DAAM1: variants seen among roughly 807,000 people sequenced by gnomAD.
The protein encoded by DAAM1 is disheveled-associated activator of morphogenesis 1.
DAAM1 carries 52 observed loss-of-function variants against 130.0 expected under a neutral mutation model. The ratio of observed to expected loss-of-function variants is 0.40; its 90% CI spans 0.32 to 0.50. The LOEUF is 0.50. DAAM1 is among the 20% of genes least tolerant of loss of function. The pLI is 0.61. For missense variants in DAAM1, 1,134 were observed against 1,303.8 expected (o/e 0.87, Z 2.01); for synonymous variants, 452 against 444.5 (o/e 1.02, Z -0.21).
At chr14:59,326,262 CAAATT>C in intron 10 of DAAM1, 185 bp downstream of exon 10, 2 of 691,950 alleles carry the variant, frequency 2.9e-6, no homozygotes, top group Non-Finnish European at 4.6e-6. Context: ...TTAAATGAAA[CAAATT>C]AAAATTTTGA....
intron 11 of DAAM1, 90 bp downstream of exon 11, chr14:59,326,738 C>G (rs1885218218): frequency 3.8e-6 from 6 of 1,560,392 alleles, no homozygotes; most frequent in African/African-American, 1.4e-5. Flanking sequence ...GCTGGGAGAG[C>G]TGAAATGTTC....
At chr14:59,232,498 A>G (rs1434877669) in intron 1 of DAAM1, among the ~76,000 whole-genome samples, 2 of 152,302 alleles carry the variant, frequency 1.3e-5, no homozygotes, top group East Asian at 1.9e-4. Flanking sequence ...GTTCACCAAC[A>G]TGTTGAAATT....
chr14:59,230,287 G>C (rs147703855), intron 1 of DAAM1, among the ~76,000 whole-genome samples: 3 of 150,432 alleles, frequency 2.0e-5, no homozygotes, highest in East Asian at 1.9e-4. Context: ...GCAGCCGAGG[G>C]GGGTGATGCT....
chr14:59,324,422 A>G lies in DAAM1; in HGVS notation c.957A>G (p.Lys319=). 6.3e-7 allele frequency: 1 copy of G among 1,593,446 alleles called. No homozygotes were observed. The highest frequency in any genetic ancestry group is 8.5e-7 in the Non-Finnish European group (1 of 1,170,096). The change falls in exon 8 of 25, where the codon AAA becomes AAG. Residue 319 remains lysine, a synonymous_variant. Coordinates refer to ENST00000360909, the MANE Select transcript of DAAM1 (RefSeq NM_001270520.2). ...TAGGAATTCAACCTGTAATAGATAA[A>G]TTAAGGGAACACGAAAATTCAACAT... ...LMLGIQPVID[K]LREHENSTLD... is the part of the protein sequence containing the mutation.
chr14:59,291,832 C>T (rs1883752641), intron 3 of DAAM1, among the ~76,000 whole-genome samples: 1 of 152,190 alleles, frequency 6.6e-6, no homozygotes, highest in East Asian at 1.9e-4. Flanking sequence ...GGCTGACTCT[C>T]TCTCGTATCC....
intron 2 of DAAM1, among the ~76,000 whole-genome samples, chr14:59,281,259 C>T (rs1883203733): frequency 6.6e-6 from 1 of 152,160 alleles, no homozygotes; most frequent in Non-Finnish European, 1.5e-5. Context: ...AGAAAGGCAC[C>T]AACTCAACTG....
At chr14:59,209,532 C>T (rs780162549) in intron 1 of DAAM1, among the ~76,000 whole-genome samples, 2 of 152,036 alleles carry the variant, frequency 1.3e-5, no homozygotes, top group Non-Finnish European at 2.9e-5. Context: ...CTTTGAATAC[C>T]CATACAACCA....
At chr14:59,272,643 A>ATGTATGTATG (rs138081475) in intron 2 of DAAM1, among the ~76,000 whole-genome samples, 48 of 145,988 alleles carry the variant, frequency 3.3e-4, no homozygotes, top group Non-Finnish European at 4.2e-4. Context: ...ACACACATAT[A>ATGTATGTATG]TATGTATGTA....
chr14:59,293,758 T>C (rs1456868735), intron 3 of DAAM1, among the ~76,000 whole-genome samples: 1 of 152,218 alleles, frequency 6.6e-6, no homozygotes, highest in African/African-American at 2.4e-5. Flanking sequence ...TGAAACTGAA[T>C]TTTTGGTCAC....
chr14:59,222,005 G>A (rs1888787089), intron 1 of DAAM1, among the ~76,000 whole-genome samples: 1 of 152,174 alleles, frequency 6.6e-6, no homozygotes. Context: ...CCATATAGCA[G>A]ATGCTGATTC....
In DAAM1 at chr14:59,275,586, C is replaced by T. The variant is rs183130375; in HGVS notation, c.183+11926C>T. On this transcript the variant is annotated intron_variant, in intron 2 of 24. Transcript: ENST00000360909. ...GATTACCGGAAAACTGTTGGTGATG[C>T]AGACTATTAAAACTTGAAGTCACTC... Among the ~76,000 whole-genome samples, 68 of 152,242 alleles carry T rather than the reference C, an allele frequency of 4.5e-4. No homozygotes were observed. In the East Asian group the frequency reaches 0.012, roughly 27 times the overall value.
chr14:59,208,761 G>A (rs1366376501), intron 1 of DAAM1, among the ~76,000 whole-genome samples: 1 of 152,134 alleles, frequency 6.6e-6, no homozygotes, highest in Non-Finnish European at 1.5e-5. Context: ...AGGTGTTTGG[G>A]TCATGAGGGT....
chr14:59,306,490 C>A (rs10143918), intron 3 of DAAM1, among the ~76,000 whole-genome samples: 1 of 151,950 alleles, frequency 6.6e-6, no homozygotes, highest in African/African-American at 2.4e-5. Context: ...TGTTTAGCAG[C>A]ATAGTATTAA....
At chr14:59,356,081 ATTAAC>A (rs1033973971) in intron 20 of DAAM1, among the ~76,000 whole-genome samples, 2 of 152,308 alleles carry the variant, frequency 1.3e-5, no homozygotes, top group South Asian at 2.1e-4. Flanking sequence ...CATTAGGCAT[ATTAAC>A]TTGAGTTTCC....
At chr14:59,334,064 G>A (rs759881213) in intron 15 of DAAM1, among the ~76,000 whole-genome samples, 5 of 152,144 alleles carry the variant, frequency 3.3e-5, no homozygotes, top group Non-Finnish European at 4.4e-5. Context: ...AGCACTTCCT[G>A]GAGAAACATT....
chr14:59,357,354 G>A (rs1886522588), intron 20 of DAAM1: 1 of 152,078 alleles, frequency 6.6e-6, no homozygotes, highest in African/African-American at 2.4e-5. Flanking sequence ...CAATAGCAAA[G>A]CATTTCTTTT....
Position 59,323,024 on chromosome 14 carries a change from C to T in DAAM1, c.573C>T (p.Asn191=), listed in dbSNP as rs1168938155. The change falls in exon 6 of 25, where the codon AAC becomes AAT. Residue 191 remains asparagine, a synonymous_variant. Coordinates refer to ENST00000360909, the MANE Select transcript of DAAM1 (RefSeq NM_001270520.2). ...LIGCIKALMN[N]SQGRAHVLAH... Reference sequence around the variant, plus strand: ...GCTGTATAAAGGCGTTAATGAACAACTCTCAAGGCCGGGCTCACGTCCTGG... The same window carrying T: ...GCTGTATAAAGGCGTTAATGAACAATTCTCAAGGCCGGGCTCACGTCCTGG... The T allele has an allele frequency of 1.1e-5, 17 of 1,613,982 alleles. No homozygotes were observed. The Admixed American group carries it at 1.8e-4, about 17-fold the overall frequency.
intron 2 of DAAM1, among the ~76,000 whole-genome samples, chr14:59,266,476 ACT>A (rs1299879735): frequency 1.3e-5 from 2 of 151,976 alleles, no homozygotes; most frequent in East Asian, 1.9e-4. Context: ...AGAAAATTCC[ACT>A]CTCTCTGCCT....
Position 59,369,033 on chromosome 14 carries a change from AGAT to A in DAAM1, c.*176_*178del. On this transcript the variant is annotated 3_prime_UTR_variant, in exon 25 of 25. Coordinates refer to ENST00000360909, the MANE Select transcript of DAAM1 (RefSeq NM_001270520.2). ...TGTGTATATATTAAAAAATGTATAT[AGAT>A]GTCTGAGTGTTGTCTGGAGACCTAT... The A allele has an allele frequency of 1.7e-6, 1 of 597,320 alleles. No individual in the cohort carries two copies. Among genetic ancestry groups the A allele is most frequent in the East Asian group, 2.9e-5 (1 of 35,080 alleles). 37.0% of individuals were successfully genotyped at this position (597,320 alleles called of 1,614,324 possible).
Sources: allele counts gnomAD v4.1 joint callset (sites outside exome capture counted in the v4.1 genomes callset), GRCh38; gene constraint gnomAD v4.1.1; transcripts MANE v1.5; gene names NCBI Gene and HGNC (gene_info 2026-07-23, HGNC 2026-07-21).